SAMMSON: variants seen among roughly 807,000 people sequenced by gnomAD.
SAMMSON encodes long intergenic non-protein coding RNA 1212.
chr3:70,288,911 G>T lies in SAMMSON; in HGVS notation n.675-2268G>T, dbSNP rs549226225. Among the ~76,000 whole-genome samples, 23 of 151,674 alleles carry T rather than the reference G, an allele frequency of 1.5e-4. 1 individual carries two copies. The East Asian group carries it at 4.3e-3, about 28-fold the overall frequency. On this transcript the variant is annotated intron_variant and non_coding_transcript_variant, in intron 6 of 9. Transcript: ENST00000642114. ...GCCTTTTTTTGTTTTCCATTTGCTT[G>T]GTAGATCTTCCTCCATCCTTTTATT...
At chr3:70,281,420 C>A (rs927265966) in intron 6 of SAMMSON, among the ~76,000 whole-genome samples, 1 of 152,142 alleles carries the variant, frequency 6.6e-6, no homozygotes, top group Non-Finnish European at 1.5e-5. Context: ...TTCTAGAATT[C>A]TGTCTTTACC....
At chr3:70,189,031 A>C (rs1297562490) in intron 4 of SAMMSON, among the ~76,000 whole-genome samples, 1 of 152,162 alleles carries the variant, frequency 6.6e-6, no homozygotes, top group Non-Finnish European at 1.5e-5. Context: ...AATCTTTAGA[A>C]TGTTTCTCCA....
intron 7 of SAMMSON, among the ~76,000 whole-genome samples, chr3:70,343,157 C>G (rs555460084): frequency 9.5e-4 from 145 of 152,240 alleles, no homozygotes; most frequent in African/African-American, 3.3e-3. Flanking sequence ...ATATCTCACA[C>G]TCGATTTTCC....
rs192851577 is a variant in SAMMSON at position 70,321,654 on chromosome 3, A to G, written n.739+30411A>G. On this transcript the variant is annotated intron_variant and non_coding_transcript_variant, in intron 7 of 9. Coordinates refer to ENST00000642114, the Ensembl canonical transcript of SAMMSON. ...AATAAAACTGTCATTAGAAAATGCAATTGAAAAAATACTCTTCATTACCCT... is the reference window on the plus strand; with the variant it reads ...AATAAAACTGTCATTAGAAAATGCAGTTGAAAAAATACTCTTCATTACCCT... Among the ~76,000 whole-genome samples the G allele has an allele frequency of 2.0e-5, 3 of 152,192 alleles. 1 individual carries two copies. Among genetic ancestry groups the G allele is most frequent in the African/African-American group, 7.2e-5 (3 of 41,546 alleles).
chr3:70,217,128 A>G (rs1239011610), intron 4 of SAMMSON, among the ~76,000 whole-genome samples: 1 of 152,098 alleles, frequency 6.6e-6, no homozygotes, highest in Non-Finnish European at 1.5e-5. Context: ...AATGCTGCCT[A>G]ATGAAAGTTT....
intron 4 of SAMMSON, among the ~76,000 whole-genome samples, chr3:70,185,836 G>T (rs1448800667): frequency 1.3e-5 from 2 of 151,886 alleles, no homozygotes; most frequent in Non-Finnish European, 2.9e-5. Flanking sequence ...AATTAGCTGG[G>T]CATGATGGTG....
chr3:70,295,582 A>G (rs1450908277), intron 7 of SAMMSON, among the ~76,000 whole-genome samples: 2 of 152,102 alleles, frequency 1.3e-5, no homozygotes, highest in Admixed American at 6.5e-5. Flanking sequence ...GCGCACCTGT[A>G]GTCCTATTCC....
At chr3:70,428,172 T>C (rs1701386778) in intron 2 of SAMMSON, among the ~76,000 whole-genome samples, 2 of 152,176 alleles carry the variant, frequency 1.3e-5, no homozygotes, top group South Asian at 4.1e-4. Context: ...AAATCAATTC[T>C]CTCCAAATTG....
At chr3:70,367,131 T>C (rs561884662) in intron 9 of SAMMSON, among the ~76,000 whole-genome samples, 117 of 151,730 alleles carry the variant, frequency 7.7e-4, no homozygotes, top group South Asian at 7.1e-3. Context: ...GAGATATCTT[T>C]CCATCACCTC....
intron 3 of SAMMSON, among the ~76,000 whole-genome samples, chr3:70,062,676 C>A (rs1165697476): frequency 2.0e-5 from 3 of 152,070 alleles, no homozygotes; most frequent in Non-Finnish European, 4.4e-5. Flanking sequence ...CTCCTCTCTG[C>A]CCATTCTCTG....
chr3:70,053,343 G>A (rs763390365), intron 3 of SAMMSON, among the ~76,000 whole-genome samples: 1 of 152,154 alleles, frequency 6.6e-6, no homozygotes, highest in Non-Finnish European at 1.5e-5. Flanking sequence ...GCATGGCTCT[G>A]AGCTGTGTTT....
intron 7 of SAMMSON, among the ~76,000 whole-genome samples, chr3:70,326,242 T>C (rs1389192744): frequency 1.3e-5 from 2 of 152,110 alleles, no homozygotes; most frequent in Admixed American, 1.3e-4. Flanking sequence ...TGGTGCAGAT[T>C]CTTAATATAG....
intron 3 of SAMMSON, among the ~76,000 whole-genome samples, chr3:70,026,573 G>T (rs2067040111): frequency 6.6e-6 from 1 of 152,270 alleles, no homozygotes; most frequent in Non-Finnish European, 1.5e-5. Context: ...TCTAGACTAG[G>T]ATTTTTTCCT....
intron 7 of SAMMSON, among the ~76,000 whole-genome samples, chr3:70,324,274 C>G (rs936638245): frequency 6.6e-6 from 1 of 151,830 alleles, no homozygotes; most frequent in Non-Finnish European, 1.5e-5. Flanking sequence ...GATAGAGTGC[C>G]CATTCACATT....
At chr3:70,080,952 G>A (rs1025448413) in intron 4 of SAMMSON, among the ~76,000 whole-genome samples, 1 of 152,100 alleles carries the variant, frequency 6.6e-6, no homozygotes, top group African/African-American at 2.4e-5. Context: ...CCAGGGAGGT[G>A]GGTATTTTGT....
intron 7 of SAMMSON, chr3:70,291,698 C>T (rs1320096068): frequency 6.6e-6 from 1 of 152,206 alleles, no homozygotes; most frequent in Non-Finnish European, 1.5e-5. Flanking sequence ...TCCTCTTCAA[C>T]ACAAAACTCC....
chr3:70,097,944 A>G (rs1385500603), intron 4 of SAMMSON, among the ~76,000 whole-genome samples: 1 of 152,192 alleles, frequency 6.6e-6, no homozygotes, highest in Non-Finnish European at 1.5e-5. Flanking sequence ...AATCCTCACA[A>G]CATTCTTCAT....
intron 3 of SAMMSON, among the ~76,000 whole-genome samples, chr3:70,067,796 G>A (rs1440749914): frequency 6.6e-6 from 1 of 152,210 alleles, no homozygotes; most frequent in Middle Eastern, 3.4e-3. Flanking sequence ...TTGCCTTATA[G>A]TAATGTGGGG....
chr3:70,208,866 T>C (rs780115657), intron 4 of SAMMSON, among the ~76,000 whole-genome samples: 1 of 152,116 alleles, frequency 6.6e-6, no homozygotes, highest in Non-Finnish European at 1.5e-5. Context: ...TCCTTTTATG[T>C]GCTGGCTTTA....
Sources: allele counts gnomAD v4.1 joint callset (sites outside exome capture counted in the v4.1 genomes callset), GRCh38; gene constraint gnomAD v4.1.1; transcripts MANE v1.5; gene names NCBI Gene and HGNC (gene_info 2026-07-23, HGNC 2026-07-21).